CHODL: variants seen among roughly 807,000 people sequenced by gnomAD.
The protein encoded by CHODL is chondrolectin.
CHODL carries 29 observed loss-of-function variants against 34.5 expected under a neutral mutation model. The observed-to-expected ratio is 0.84, with a 90% CI of 0.63 to 1.15. CHODL has a LOEUF of 1.15. Ranked by LOEUF, CHODL falls within the 50% of genes most tolerant of loss-of-function variation. CHODL has a pLI of 0.00. For synonymous variants in CHODL, 125 were observed against 116.1 expected (o/e 1.08, Z -0.49); for missense variants, 332 against 332.5 (o/e 1.00, Z 0.01).
At position 17,963,452 on chromosome 21, in the gene CHODL, G is replaced by A. The variant is rs197570; in HGVS notation, c.-145+46052G>A. Among the ~76,000 whole-genome samples, 820 of 152,286 alleles carry A rather than the reference G, an allele frequency of 5.4e-3. 8 individuals are homozygous for A. The highest frequency in any genetic ancestry group is 0.018 in the African/African-American group (737 of 41,582). On this transcript the variant is annotated intron_variant, in intron 1 of 6. Transcript: ENST00000400127. The stretch of plus-strand genomic sequence containing the variant: ...ATGGCTAGGGTGGCCTTACAATCGT[G>A]GCTGAAGGTGAAGAGGGGCAAAGGC...
intron 2 of CHODL, among the ~76,000 whole-genome samples, chr21:18,058,779 T>C (rs1215148913): frequency 6.6e-6 from 1 of 152,192 alleles, no homozygotes; most frequent in Non-Finnish European, 1.5e-5. Flanking sequence ...TTCAGCCTTA[T>C]GGTTTTCATT....
intron 1 of CHODL, among the ~76,000 whole-genome samples, chr21:17,971,500 T>C (rs907479052): frequency 2.0e-5 from 3 of 152,220 alleles, no homozygotes; most frequent in Admixed American, 6.5e-5. Flanking sequence ...ATGACCTTTT[T>C]TTCATATGTT....
chr21:17,990,388 A>G (rs1428356690), intron 1 of CHODL, among the ~76,000 whole-genome samples: 3 of 152,102 alleles, frequency 2.0e-5, no homozygotes, highest in Admixed American at 1.3e-4. Flanking sequence ...AAAGCTGAAG[A>G]TATTTTCCTG....
intron 1 of CHODL, among the ~76,000 whole-genome samples, chr21:18,251,732 T>A (rs867980373): frequency 0.016 from 1,623 of 103,510 alleles, 60 homozygotes; most frequent in African/African-American, 0.066. Flanking sequence ...TAAATATTTA[T>A]TTTATTTATT....
chr21:18,149,735 A>G (rs2072941170), intron 2 of CHODL, among the ~76,000 whole-genome samples: 1 of 152,228 alleles, frequency 6.6e-6, no homozygotes, highest in Non-Finnish European at 1.5e-5. Context: ...TGGCTGTCCA[A>G]TAAGTTAAGT....
chr21:18,123,011 G>A (rs924600838), intron 2 of CHODL, among the ~76,000 whole-genome samples: 3 of 152,136 alleles, frequency 2.0e-5, no homozygotes, highest in African/African-American at 7.2e-5. Flanking sequence ...AGCAGCTTTC[G>A]ATGCTAAAGA....
intron 2 of CHODL, among the ~76,000 whole-genome samples, chr21:18,104,350 C>T (rs772160476): frequency 1.3e-5 from 2 of 152,118 alleles, no homozygotes; most frequent in Non-Finnish European, 2.9e-5. Context: ...CTTCCCCCTT[C>T]GCTTGGCATT....
intron 2 of CHODL, among the ~76,000 whole-genome samples, chr21:18,070,088 G>A (rs1309712747): frequency 6.3e-5 from 8 of 127,316 alleles, no homozygotes; most frequent in Admixed American, 3.7e-4. Flanking sequence ...CTTTTCTTTC[G>A]TTCTCTGGCT....
intron 1 of CHODL, among the ~76,000 whole-genome samples, chr21:17,988,103 CAT>C (rs2063767763): frequency 6.6e-6 from 1 of 152,142 alleles, no homozygotes; most frequent in Non-Finnish European, 1.5e-5. Context: ...ATTGGCACAA[CAT>C]AGAGGATGAA....
intron 1 of CHODL, among the ~76,000 whole-genome samples, chr21:17,925,328 ATACATATTAATGGT>A (rs1027506389): frequency 7.6e-4 from 116 of 152,348 alleles, no homozygotes; most frequent in African/African-American, 2.7e-3. Flanking sequence ...AGAGCTCTTA[ATACATATTAATGGT>A]TTGATTGCTC....
intron 2 of CHODL, among the ~76,000 whole-genome samples, chr21:18,122,637 T>C (rs377206144): frequency 1.3e-5 from 2 of 152,104 alleles, no homozygotes; most frequent in East Asian, 1.9e-4. Flanking sequence ...CACCAAAGAA[T>C]AGAACACATT....
At chr21:18,019,775 G>A (rs139337802) in intron 1 of CHODL, among the ~76,000 whole-genome samples, 169 of 152,214 alleles carry the variant, frequency 1.1e-3, no homozygotes, top group African/African-American at 3.6e-3. Flanking sequence ...CATGTATGGG[G>A]CAGCTGTAGC....
chr21:18,236,174 C>G (rs534823412), intron 2 of CHODL, among the ~76,000 whole-genome samples: 1 of 152,184 alleles, frequency 6.6e-6, no homozygotes, highest in South Asian at 2.1e-4. Context: ...CAAACACGTC[C>G]TTTTTCACAG....
chr21:18,248,614 AC>A, intron 1 of CHODL, among the ~76,000 whole-genome samples: 1 of 126,770 alleles, frequency 7.9e-6, no homozygotes, highest in African/African-American at 3.3e-5. Flanking sequence ...TATGTATAAT[AC>A]ATATATAATA....
At chr21:18,161,516 C>T (rs2073095157) in intron 2 of CHODL, among the ~76,000 whole-genome samples, 1 of 152,218 alleles carries the variant, frequency 6.6e-6, no homozygotes, top group African/African-American at 2.4e-5. Context: ...TCACACTTCA[C>T]ACCTTCCACT....
intron 2 of CHODL, among the ~76,000 whole-genome samples, chr21:18,175,922 G>C (rs932275185): frequency 6.6e-5 from 10 of 152,144 alleles, no homozygotes; most frequent in African/African-American, 1.7e-4. Context: ...TGTGGCAATG[G>C]AGAAAACAAA....
At chr21:17,960,507 T>C (rs917125864) in intron 1 of CHODL, among the ~76,000 whole-genome samples, 8 of 152,156 alleles carry the variant, frequency 5.3e-5, no homozygotes, top group African/African-American at 1.9e-4. Flanking sequence ...CATCTTAACT[T>C]TCCAGAGACA....
At chr21:18,181,286 G>C (rs1403789691) in intron 2 of CHODL, among the ~76,000 whole-genome samples, 1 of 152,192 alleles carries the variant, frequency 6.6e-6, no homozygotes, top group Non-Finnish European at 1.5e-5. Flanking sequence ...CCCATTTGAA[G>C]TATATAATTT....
intron 1 of CHODL, among the ~76,000 whole-genome samples, chr21:18,255,439 A>G (rs886994168): frequency 1.3e-5 from 2 of 152,086 alleles, no homozygotes; most frequent in Non-Finnish European, 2.9e-5. Flanking sequence ...ATATGTGTTT[A>G]ATATATAAGT....
Sources: gnomAD v4.1 joint callset for allele counts (sites outside exome capture counted in the v4.1 genomes callset) on GRCh38, gnomAD v4.1.1 for gene constraint, MANE v1.5 for transcripts, NCBI Gene and HGNC (gene_info 2026-07-23, HGNC 2026-07-21) for gene names.